Variants in PIK3C2G observed in about 807,000 individuals in gnomAD.
PIK3C2G encodes the protein phosphatidylinositol-4-phosphate 3-kinase catalytic subunit type 2 gamma.
In PIK3C2G, 168 loss-of-function variants were observed where a neutral mutation model predicts 181.1. The observed-to-expected ratio is 0.93, with a 90% CI of 0.82 to 1.05. The LOEUF (loss-of-function observed/expected upper bound fraction) is 1.05, where lower values mean the gene tolerates loss of function less well. PIK3C2G is among the 50% of genes least tolerant of loss of function. PIK3C2G has a pLI of 0.00. For missense variants in PIK3C2G, 1,869 were observed against 1,732.8 expected, an observed-to-expected ratio of 1.08 and a Z score of -1.40; for synonymous variants, 573 against 592.2, an observed-to-expected ratio of 0.97 and a Z score of 0.47.
At chr12:18,349,612 T>C (rs1940016054) in intron 11 of PIK3C2G, among the ~76,000 whole-genome samples, 1 of 152,322 alleles carries the variant, frequency 6.6e-6, no homozygotes, top group South Asian at 2.1e-4. Context: ...TTCATATTTA[T>C]CCTAAATTTC....
At chr12:18,466,219 C>A (rs904997155) in intron 18 of PIK3C2G, among the ~76,000 whole-genome samples, 1 of 147,630 alleles carries the variant, frequency 6.8e-6, no homozygotes, top group African/African-American at 2.6e-5. Context: ...TTTTTTATTC[C>A]CCCTTACTTC....
intron 18 of PIK3C2G, among the ~76,000 whole-genome samples, chr12:18,449,567 T>C (rs1947232692): frequency 6.6e-6 from 1 of 152,160 alleles, no homozygotes; most frequent in South Asian, 2.1e-4. Flanking sequence ...CTCCTGTTCC[T>C]GAGTTAGTTT....
intron 16 of PIK3C2G, among the ~76,000 whole-genome samples, chr12:18,419,930 A>T (rs1342458665): frequency 6.6e-6 from 1 of 152,080 alleles, no homozygotes; most frequent in African/African-American, 2.4e-5. Flanking sequence ...ACCATTAAAG[A>T]CTTTACAGTT....
chr12:18,298,096 C>A (rs922019955), intron 5 of PIK3C2G, among the ~76,000 whole-genome samples: 3 of 151,938 alleles, frequency 2.0e-5, no homozygotes, highest in African/African-American at 7.2e-5. Context: ...TTTGCAAAAT[C>A]TCCATACTGT....
At chr12:18,250,763 T>C (rs996551403) in intron 1 of PIK3C2G, among the ~76,000 whole-genome samples, 32 of 152,140 alleles carry the variant, frequency 2.1e-4, no homozygotes, top group African/African-American at 7.2e-4. Context: ...TTAAGGGATA[T>C]GTTAGAAAAG....
At chr12:18,680,735 A>C in the PIK3C2G span, among the ~76,000 whole-genome samples, 1 of 152,058 alleles carries the variant, frequency 6.6e-6, no homozygotes, top group African/African-American at 2.4e-5. Flanking sequence ...GAGACACAAC[A>C]TGGGAAGCCA....
chr12:18,297,188 C>G (rs12370979), intron 5 of PIK3C2G, among the ~76,000 whole-genome samples: 53,933 of 151,908 alleles, frequency 0.36, 10,117 homozygotes, highest in Admixed American at 0.41. Flanking sequence ...ACAATTGTAC[C>G]TTCACCTATA....
At chr12:18,291,383 T>C (rs908213269) in intron 4 of PIK3C2G, among the ~76,000 whole-genome samples, 1 of 152,158 alleles carries the variant, frequency 6.6e-6, no homozygotes, top group East Asian at 1.9e-4. Flanking sequence ...CCTTGAAATA[T>C]AAATAAATTG....
chr12:18,320,403 T>C (rs560344169), intron 6 of PIK3C2G, among the ~76,000 whole-genome samples: 1 of 152,350 alleles, frequency 6.6e-6, no homozygotes, highest in African/African-American at 2.4e-5. Flanking sequence ...TTCATGCTTA[T>C]GTAGGAAGAA....
the PIK3C2G span, among the ~76,000 whole-genome samples, chr12:18,703,876 GAAAATACA>G: frequency 6.6e-6 from 1 of 152,084 alleles, no homozygotes; most frequent in South Asian, 2.1e-4. Flanking sequence ...AAAAAATAAG[GAAAATACA>G]GAGGGCAATA....
rs190910873 is a variant in PIK3C2G, at chr12:18,353,311, A to G, written c.1625+6475A>G. Reference sequence around the variant, plus strand: ...TCAGAGTTTGATGGCCTCTAGGCACATGAGGAAAAAAAAAGCCCAAGTTTT... The same window carrying G: ...TCAGAGTTTGATGGCCTCTAGGCACGTGAGGAAAAAAAAAGCCCAAGTTTT... On this transcript the variant is annotated intron_variant, in intron 11 of 32. Transcript: ENST00000538779. 3.9e-3 allele frequency among the ~76,000 whole-genome samples: 601 copies of G among 152,252 alleles called. 1 individual carries two copies. Among genetic ancestry groups the G allele is most frequent in the African/African-American group, 0.014 (564 of 41,534 alleles).
chr12:18,257,771 GAAGAAAAAGA>G (rs1157275969), upstream of PIK3C2G, among the ~76,000 whole-genome samples: 11 of 132,178 alleles, frequency 8.3e-5, no homozygotes, highest in African/African-American at 3.1e-4. Context: ...AAAAAAAGAA[GAAGAAAAAGA>G]AAGAAAGAGA....
At chr12:18,248,930 A>G (rs1948068954) in intron 1 of PIK3C2G, among the ~76,000 whole-genome samples, 1 of 152,136 alleles carries the variant, frequency 6.6e-6, no homozygotes, top group Admixed American at 6.5e-5. Context: ...ATTTATGCAT[A>G]TTTCTCTGAC....
At chr12:18,636,096 T>G (rs1193457214) in intron 31 of PIK3C2G, among the ~76,000 whole-genome samples, 4 of 152,338 alleles carry the variant, frequency 2.6e-5, no homozygotes, top group Non-Finnish European at 5.9e-5. Context: ...AATGGACCAG[T>G]GTGTTACCAT....
intron 11 of PIK3C2G, among the ~76,000 whole-genome samples, chr12:18,361,931 C>T (rs990225138): frequency 6.6e-6 from 1 of 152,122 alleles, no homozygotes; most frequent in African/African-American, 2.4e-5. Flanking sequence ...AGGCTTTGTC[C>T]ACTGTACCAT....
At position 18,538,238 on chromosome 12, in the gene PIK3C2G, T is replaced by C; in HGVS notation, c.3406T>C (p.Phe1136Leu). ...GGKNPQHFQD[F>L]VELCCRAYNI... ...GAAAAACCCACAGCATTTTCAAGAT[T>C]TTGTGGAACTTTGCTGTCGTGCTTA... The change falls in exon 25 of 33, where the codon TTT becomes CTT. Residue 1136 changes from phenylalanine to leucine, a missense_variant. Coordinates refer to ENST00000538779, the MANE Select transcript of PIK3C2G (RefSeq NM_001288772.2). The C allele has an allele frequency of 6.2e-7, 1 of 1,612,394 alleles. No individual in the cohort carries two copies. Among genetic ancestry groups the C allele is most frequent in the Non-Finnish European group, 8.5e-7 (1 of 1,178,998 alleles).
chr12:18,545,727 C>A (rs11044177), intron 25 of PIK3C2G, among the ~76,000 whole-genome samples: 6,747 of 151,840 alleles, frequency 0.044, 405 homozygotes, highest in African/African-American at 0.14. Flanking sequence ...TTGTATTCTT[C>A]TAGTGAGAAT....
intron 31 of PIK3C2G, among the ~76,000 whole-genome samples, chr12:18,627,426 A>G (rs995987135): frequency 1.8e-4 from 27 of 152,062 alleles, no homozygotes; most frequent in Non-Finnish European, 3.1e-4. Context: ...TTGAGATGCC[A>G]TGATTCCTTG....
intron 16 of PIK3C2G, among the ~76,000 whole-genome samples, chr12:18,414,357 A>C (rs149556246): frequency 6.6e-6 from 1 of 152,310 alleles, no homozygotes; most frequent in African/African-American, 2.4e-5. Context: ...CTTAAAAAAG[A>C]AAATTAAAGT....
Sources: gnomAD v4.1 joint callset for allele counts (sites outside exome capture counted in the v4.1 genomes callset) on GRCh38, gnomAD v4.1.1 for gene constraint, MANE v1.5 for transcripts, NCBI Gene and HGNC (gene_info 2026-07-23, HGNC 2026-07-21) for gene names.